GPC5: variants seen among roughly 807,000 people sequenced by gnomAD.
The protein encoded by GPC5 is glypican 5.
GPC5 carries 47 observed loss-of-function variants against 53.9 expected under a neutral mutation model. That is an observed-to-expected ratio of 0.87 (90% CI 0.69 to 1.11). The LOEUF is 1.11. Ranked by LOEUF, GPC5 falls within the 50% of genes most tolerant of loss-of-function variation. The pLI is 0.00. For missense variants in GPC5, 748 were observed against 713.1 expected, an observed-to-expected ratio of 1.05 and a Z score of -0.56; for synonymous variants, 286 against 263.3, an observed-to-expected ratio of 1.09 and a Z score of -0.84.
chr13:91,731,997 T>G (rs1276381342), intron 4 of GPC5, among the ~76,000 whole-genome samples: 1 of 152,220 alleles, frequency 6.6e-6, no homozygotes, highest in African/African-American at 2.4e-5. Flanking sequence ...TAAACATACA[T>G]GTGCATGTGT....
chr13:91,743,241 C>G (rs984037261), intron 4 of GPC5, among the ~76,000 whole-genome samples: 2 of 152,100 alleles, frequency 1.3e-5, no homozygotes, highest in Admixed American at 1.3e-4. Flanking sequence ...CCTGTTGTTA[C>G]AATTTTTTTT....
intron 5 of GPC5, among the ~76,000 whole-genome samples, chr13:91,794,508 C>T (rs1040134379): frequency 5.2e-4 from 79 of 152,322 alleles, no homozygotes; most frequent in Admixed American, 9.1e-4. Flanking sequence ...TTGGTTAGAG[C>T]TCTCTACAAA....
intron 7 of GPC5, among the ~76,000 whole-genome samples, chr13:92,385,170 C>T (rs1277754857): frequency 6.6e-6 from 1 of 151,408 alleles, no homozygotes; most frequent in African/African-American, 2.4e-5. Flanking sequence ...TACGCCTGGC[C>T]AATTAATTCT....
chr13:91,814,525 C>CTTTA (rs140584837), intron 5 of GPC5, among the ~76,000 whole-genome samples: 14,702 of 151,004 alleles, frequency 0.097, 815 homozygotes, highest in Non-Finnish European at 0.13. Context: ...TATTCTGCAA[C>CTTTA]TTTATTTATT....
chr13:91,670,023 G>A (rs894522839), intron 2 of GPC5, among the ~76,000 whole-genome samples: 1 of 152,140 alleles, frequency 6.6e-6, no homozygotes, highest in Non-Finnish European at 1.5e-5. Context: ...CCAAAGGAAA[G>A]GTAGAACTAG....
intron 5 of GPC5, among the ~76,000 whole-genome samples, chr13:91,885,482 C>T (rs1223871263): frequency 6.6e-6 from 1 of 152,172 alleles, no homozygotes; most frequent in East Asian, 1.9e-4. Flanking sequence ...GTTCATCATT[C>T]AGTGATAGCT....
intron 6 of GPC5, among the ~76,000 whole-genome samples, chr13:91,939,095 G>A (rs2039900469): frequency 6.6e-6 from 1 of 151,820 alleles, no homozygotes; most frequent in South Asian, 2.1e-4. Flanking sequence ...CTTTCTCGTA[G>A]TGCTGATCAA....
intron 5 of GPC5, among the ~76,000 whole-genome samples, chr13:91,796,777 C>T (rs906239527): frequency 6.6e-6 from 1 of 151,980 alleles, no homozygotes; most frequent in African/African-American, 2.4e-5. Flanking sequence ...TTTCTTTTGG[C>T]TCTTGTTCAA....
At chr13:92,098,736 G>A (rs1032035723) in intron 6 of GPC5, among the ~76,000 whole-genome samples, 1 of 152,082 alleles carries the variant, frequency 6.6e-6, no homozygotes, top group Admixed American at 6.5e-5. Flanking sequence ...TGAGTCCAAC[G>A]TAATCACAAG....
intron 6 of GPC5, among the ~76,000 whole-genome samples, chr13:92,132,179 AAG>A (rs922770635): frequency 7.2e-5 from 11 of 152,134 alleles, no homozygotes; most frequent in Admixed American, 7.2e-4. Flanking sequence ...AGGAAGTCAA[AAG>A]AGTGTTATAT....
At chr13:92,159,714 T>C (rs909354432) in intron 7 of GPC5, among the ~76,000 whole-genome samples, 50 of 145,486 alleles carry the variant, frequency 3.4e-4, no homozygotes, top group Non-Finnish European at 6.3e-4. Flanking sequence ...GCCATTCTCC[T>C]GCCTCAGCCT....
At chr13:91,759,292 A>T (rs1445892060) in intron 5 of GPC5, among the ~76,000 whole-genome samples, 1 of 151,840 alleles carries the variant, frequency 6.6e-6, no homozygotes, top group Non-Finnish European at 1.5e-5. Context: ...TGATATTTTG[A>T]TACAGGCATG....
In GPC5 at chr13:92,236,850, T is replaced by A. The variant is rs528156516; in HGVS notation, c.1561+91861T>A. On this transcript the variant is annotated intron_variant, in intron 7 of 7. Transcript: ENST00000377067. ...GGGTTCTATATATTTATCAGCATTT[T>A]TTTTTTGTTTTGATTACCTCTGCAA... Among the ~76,000 whole-genome samples the A allele has an allele frequency of 5.2e-3, 784 of 152,044 alleles. 8 individuals are homozygous for A. Among genetic ancestry groups the A allele is most frequent in the African/African-American group, 0.018 (750 of 41,510 alleles).
intron 7 of GPC5, among the ~76,000 whole-genome samples, chr13:92,511,309 A>C (rs1406326360): frequency 6.6e-6 from 1 of 152,158 alleles, no homozygotes; most frequent in East Asian, 1.9e-4. Flanking sequence ...ATTCTGGGAA[A>C]GTATCTCAAA....
intron 7 of GPC5, among the ~76,000 whole-genome samples, chr13:92,730,669 A>G (rs1594461531): frequency 6.6e-6 from 1 of 151,046 alleles, no homozygotes; most frequent in Non-Finnish European, 1.5e-5. Flanking sequence ...TCTTTTCTCC[A>G]TTTACTTGCC....
At chr13:92,359,046 T>C (rs1005733533) in intron 7 of GPC5, among the ~76,000 whole-genome samples, 2 of 151,870 alleles carry the variant, frequency 1.3e-5, no homozygotes, top group Non-Finnish European at 2.9e-5. Flanking sequence ...CAAACTTGTG[T>C]GTTCTGCTTT....
chr13:92,650,591 C>A (rs1293851037), intron 7 of GPC5, among the ~76,000 whole-genome samples: 1 of 152,056 alleles, frequency 6.6e-6, no homozygotes, highest in African/African-American at 2.4e-5. Flanking sequence ...TCTTGAAAAA[C>A]CACATAATAG....
At chr13:92,597,097 A>C (rs1883905761) in intron 7 of GPC5, among the ~76,000 whole-genome samples, 2 of 152,330 alleles carry the variant, frequency 1.3e-5, no homozygotes, top group South Asian at 2.1e-4. Context: ...CGAATCACAA[A>C]CACTCTGTTA....
chr13:92,750,998 A>T (rs1889373063), intron 7 of GPC5, among the ~76,000 whole-genome samples: 1 of 152,160 alleles, frequency 6.6e-6, no homozygotes, highest in Non-Finnish European at 1.5e-5. Flanking sequence ...ATTTTCATCC[A>T]TTGTTTAAAA....
Sources: gnomAD v4.1 joint callset for allele counts (sites outside exome capture counted in the v4.1 genomes callset) on GRCh38, gnomAD v4.1.1 for gene constraint, MANE v1.5 for transcripts, NCBI Gene and HGNC (gene_info 2026-07-23, HGNC 2026-07-21) for gene names.